Variants in JAKMIP1 observed in about 807,000 individuals in gnomAD.
The protein encoded by JAKMIP1 is janus kinase and microtubule interacting protein 1.
A neutral mutation model predicts 113.0 loss-of-function variants in JAKMIP1; 33 were observed. The ratio of observed to expected loss-of-function variants is 0.29; its 90% confidence interval spans 0.22 to 0.39. The LOEUF is 0.39. JAKMIP1 is among the 10% of genes least tolerant of loss of function. The pLI, the probability that JAKMIP1 is intolerant of heterozygous loss-of-function variation, is 1.00. For synonymous variants in JAKMIP1, 480 were observed against 459.9 expected (o/e 1.04, Z -0.56); for missense variants, 813 against 1,080.5 (o/e 0.75, Z 3.47).
At position 6,140,246 on chromosome 4, in the gene JAKMIP1, T is replaced by C. The variant is rs1324693866; in HGVS notation, c.-147-27249A>G. On this transcript the variant is annotated intron_variant, in intron 1 of 20. Transcript: ENST00000409021. The surrounding 1 kb of genome is among the most constrained non-coding windows in gnomAD (Gnocchi z 9.4). Reference sequence around the variant, plus strand: ...TGGGCTGCTCCCTATTTTTCTTTTTTCCTCTTTTTTTTTTTTTTTTCTGTG... The same window carrying C: ...TGGGCTGCTCCCTATTTTTCTTTTTCCCTCTTTTTTTTTTTTTTTTCTGTG... Among the ~76,000 whole-genome samples, 2 of 150,496 alleles carry C rather than the reference T, an allele frequency of 1.3e-5. No individual in the cohort carries two copies. The highest frequency in any genetic ancestry group is 3.0e-5 in the Non-Finnish European group (2 of 67,788).
At position 6,168,204 on chromosome 4, in the gene JAKMIP1, T is replaced by C. The variant is rs529653661; in HGVS notation, c.-148+32049A>G. On this transcript the variant is annotated intron_variant, in intron 1 of 20. Coordinates refer to ENST00000409021, the MANE Select transcript of JAKMIP1 (RefSeq NM_001099433.2). This position sits in a 1 kb window ranked among gnomAD's most constrained non-coding sequence, Gnocchi z 4.6. Reference sequence around the variant, plus strand: ...CATTGCTGGTGGGGTCATGAAATGATGCAGCCACTTTGGAAAACAGTCTGG... The same window carrying C: ...CATTGCTGGTGGGGTCATGAAATGACGCAGCCACTTTGGAAAACAGTCTGG... Among the ~76,000 whole-genome samples, 8 of 152,324 alleles carry C rather than the reference T, an allele frequency of 5.3e-5. No homozygotes were observed. Among genetic ancestry groups the C allele is most frequent in the African/African-American group, 1.9e-4 (8 of 41,578 alleles).
intron 20 of JAKMIP1, among the ~76,000 whole-genome samples, chr4:6,028,765 C>A (rs1009695183): frequency 6.6e-6 from 1 of 152,244 alleles, no homozygotes; most frequent in Non-Finnish European, 1.5e-5. Context: ...CGAGCACAGG[C>A]ATGCCGGCCA....
rs77536194 is a variant in JAKMIP1, at chr4:6,122,775, G to A, written c.-147-9778C>T. 7.0e-3 allele frequency among the ~76,000 whole-genome samples: 1,067 copies of A among 152,246 alleles called. 38 individuals carry two copies. The East Asian group carries it at 0.14, about 20-fold the overall frequency. ...AGGGGGATGTGGAGGGCGAGAGCAC[G>A]GGCTCAGGAGCCAGAGTGACTGGGT... On this transcript the variant is annotated intron_variant, in intron 1 of 20. Coordinates refer to ENST00000409021, the MANE Select transcript of JAKMIP1 (RefSeq NM_001099433.2).
chr4:6,057,417 C>T (rs571358665), intron 11 of JAKMIP1, among the ~76,000 whole-genome samples: 6 of 152,160 alleles, frequency 3.9e-5, no homozygotes, highest in Non-Finnish European at 8.8e-5. Context: ...CCAGGCTGGG[C>T]CGGGCTCACT....
intron 3 of JAKMIP1, among the ~76,000 whole-genome samples, chr4:6,104,157 G>T (rs1713528468): frequency 6.6e-6 from 1 of 152,186 alleles, no homozygotes; most frequent in African/African-American, 2.4e-5. Flanking sequence ...ATAAAAGTAT[G>T]TCATGTCCAC....
rs1050052627 is a variant in JAKMIP1, at chr4:6,183,079, G to T, written c.-148+17174C>A. ...CTTAGTAATACAAGGACTCTTGAAG[G>T]TTGAGACAGAACAAAGAGCTAAACA... is the stretch of plus-strand genomic sequence containing the variant. On this transcript the variant is annotated intron_variant, in intron 1 of 20. Coordinates refer to ENST00000409021, the MANE Select transcript of JAKMIP1 (RefSeq NM_001099433.2). The surrounding 1 kb of genome is among the most constrained non-coding windows in gnomAD (Gnocchi z 5.3). Among the ~76,000 whole-genome samples the T allele has an allele frequency of 6.6e-6, 1 of 152,208 alleles. No homozygotes were observed. Among genetic ancestry groups the T allele is most frequent in the African/African-American group, 2.4e-5 (1 of 41,444 alleles).
chr4:6,062,290 C>A, intron 10 of JAKMIP1, 22 bp downstream of exon 10: 3 of 1,611,472 alleles, frequency 1.9e-6, no homozygotes, highest in Non-Finnish European at 2.5e-6. Flanking sequence ...CTCCCTCGAG[C>A]CCTGAGGCTG....
At position 6,136,261 on chromosome 4, in the gene JAKMIP1, A is replaced by G. The variant is rs1241728164; in HGVS notation, c.-147-23264T>C. On this transcript the variant is annotated intron_variant, in intron 1 of 20. Transcript: ENST00000409021. This position sits in a 1 kb window ranked among gnomAD's most constrained non-coding sequence, Gnocchi z 5.9. ...ACTCAAAGTAAATAAATAAATACAT[A>G]AATAACATGTACCAAAGTGCTTGAC... Among the ~76,000 whole-genome samples, 1 of 152,152 alleles carries G rather than the reference A, an allele frequency of 6.6e-6. No individual in the cohort carries two copies. Among genetic ancestry groups the G allele is most frequent in the Admixed American group, 6.5e-5 (1 of 15,268 alleles).
chr4:6,055,259 G>A (rs1412911698), intron 12 of JAKMIP1, among the ~76,000 whole-genome samples: 2 of 152,142 alleles, frequency 1.3e-5, no homozygotes, highest in African/African-American at 4.8e-5. Flanking sequence ...GGCAGAGGGG[G>A]GACTGCACAT....
At position 6,140,013 on chromosome 4, in the gene JAKMIP1, A is replaced by G. The variant is rs930343800; in HGVS notation, c.-147-27016T>C. Among the ~76,000 whole-genome samples the G allele has an allele frequency of 6.6e-6, 1 of 152,144 alleles. No individual in the cohort carries two copies. The highest frequency in any genetic ancestry group is 2.4e-5 in the African/African-American group (1 of 41,400). Reference sequence around the variant, plus strand: ...CCTGGATCTCAGACTTCCAGCCTCCAGAACTAAGAGACCATCCGTTTGTCT... The same window carrying G: ...CCTGGATCTCAGACTTCCAGCCTCCGGAACTAAGAGACCATCCGTTTGTCT... On this transcript the variant is annotated intron_variant, in intron 1 of 20. Transcript: ENST00000409021. This position sits in a 1 kb window ranked among gnomAD's most constrained non-coding sequence, Gnocchi z 9.4.
chr4:6,105,188 G>T lies in JAKMIP1; in HGVS notation c.624+285C>A, dbSNP rs189479502. Among the ~76,000 whole-genome samples the T allele has an allele frequency of 5.9e-5, 9 of 152,352 alleles. No homozygotes were observed. In the East Asian group the frequency reaches 1.7e-3, roughly 29 times the overall value. The stretch of plus-strand genomic sequence containing the variant: ...TCTGCTCATGGTTGTTGAAGTAAAT[G>T]AATCAATAAATGCCCGACACTTAGA... On this transcript the variant is annotated intron_variant, in intron 3 of 20. Transcript: ENST00000409021.
intron 3 of JAKMIP1, among the ~76,000 whole-genome samples, chr4:6,090,761 C>G (rs915900557): frequency 2.0e-5 from 3 of 151,960 alleles, no homozygotes; most frequent in African/African-American, 7.3e-5. Flanking sequence ...AGCATCGCTG[C>G]CCCAGGTTGA....
Position 6,069,294 on chromosome 4 carries a change from T to A in JAKMIP1, c.1303-4286A>T, listed in dbSNP as rs1718611237. On this transcript the variant is annotated intron_variant, in intron 8 of 20. Coordinates refer to ENST00000409021, the MANE Select transcript of JAKMIP1 (RefSeq NM_001099433.2). The surrounding 1 kb of genome is among the most constrained non-coding windows in gnomAD (Gnocchi z 4.5). ...CCACTCTTCTAAGAGTCTCTAGGTT[T>A]TTCCTCACAAGAGATACATTAGGAG... Among the ~76,000 whole-genome samples, 1 of 152,220 alleles carries A rather than the reference T, an allele frequency of 6.6e-6. No homozygotes were observed. The highest frequency in any genetic ancestry group is 1.5e-5 in the Non-Finnish European group (1 of 68,046).
intron 1 of JAKMIP1, among the ~76,000 whole-genome samples, chr4:6,146,403 C>G (rs1720854569): frequency 6.6e-6 from 1 of 152,154 alleles, no homozygotes; most frequent in Non-Finnish European, 1.5e-5. Context: ...TGTGATCCTC[C>G]CACCTCAGAC....
At chr4:6,196,874 AAC>A (rs1489052350) in intron 1 of JAKMIP1, among the ~76,000 whole-genome samples, 21 of 150,444 alleles carry the variant, frequency 1.4e-4, no homozygotes, top group Non-Finnish European at 2.7e-4. Context: ...AAAAAAAAAA[AAC>A]AAAAGCACCA....
chr4:6,112,946 A>T lies in JAKMIP1; in HGVS notation c.-96T>A. 1 of 1,499,722 alleles carries T rather than the reference A, an allele frequency of 6.7e-7. No individual in the cohort carries two copies. The highest frequency in any genetic ancestry group is 8.9e-7 in the Non-Finnish European group (1 of 1,121,900). The allele number at this position is 1,499,722 out of a possible 1,614,324, so 92.9% of individuals were successfully genotyped here. ...GGCTACCAGCTCCACCGTGCTAACC[A>T]GTCGCGCAGGACTCAGCTCGCCCTC... On this transcript the variant is annotated 5_prime_UTR_variant, in exon 2 of 21. Coordinates refer to ENST00000409021, the MANE Select transcript of JAKMIP1 (RefSeq NM_001099433.2).
At position 6,158,945 on chromosome 4, in the gene JAKMIP1, G is replaced by T. The variant is rs4689348; in HGVS notation, c.-148+41308C>A. On this transcript the variant is annotated intron_variant, in intron 1 of 20. Transcript: ENST00000409021. The surrounding 1 kb of genome is among the most constrained non-coding windows in gnomAD (Gnocchi z 5.3). Reference sequence around the variant, plus strand: ...CTCTACAAAAAATACAAAAATTAGCGGGGCATAGTGGCATGCACCTATAGT... The same window carrying T: ...CTCTACAAAAAATACAAAAATTAGCTGGGCATAGTGGCATGCACCTATAGT... Among the ~76,000 whole-genome samples the T allele has an allele frequency of 0.049, 7,432 of 151,928 alleles. 422 individuals are homozygous for T. The highest frequency in any genetic ancestry group is 0.13 in the African/African-American group (5,325 of 41,394).
At chr4:6,173,149 T>G (rs561002267) in intron 1 of JAKMIP1, among the ~76,000 whole-genome samples, 13 of 152,326 alleles carry the variant, frequency 8.5e-5, no homozygotes, top group South Asian at 6.2e-4. Context: ...CACCTCCCAC[T>G]GGTTACCATA....
In JAKMIP1 at chr4:6,178,668, T is replaced by C. The variant is rs1432659941; in HGVS notation, c.-148+21585A>G. Among the ~76,000 whole-genome samples the C allele has an allele frequency of 1.3e-5, 2 of 152,216 alleles. No individual in the cohort carries two copies. Among genetic ancestry groups the C allele is most frequent in the African/African-American group, 4.8e-5 (2 of 41,454 alleles). The stretch of plus-strand genomic sequence containing the variant: ...AAGTTTTTTAAGGCTTCCCCAGCCA[T>C]GCAAAACTGTGAGTCAATTAAACCT... On this transcript the variant is annotated intron_variant, in intron 1 of 20. Transcript: ENST00000409021. The surrounding 1 kb of genome is among the most constrained non-coding windows in gnomAD (Gnocchi z 5.5).
Sources: allele counts gnomAD v4.1 joint callset (sites outside exome capture counted in the v4.1 genomes callset), GRCh38; gene constraint gnomAD v4.1.1; non-coding constraint Gnocchi (gnomAD v3.1); transcripts MANE v1.5; gene names NCBI Gene and HGNC (gene_info 2026-07-23, HGNC 2026-07-21).